BLNK: variants seen among roughly 807,000 people sequenced by gnomAD.
BLNK encodes the protein B cell linker.
Under a neutral mutation model 73.5 loss-of-function variants are expected in BLNK, and 29 were observed. The observed-to-expected ratio is 0.39, with a 90% CI of 0.29 to 0.54. BLNK has a LOEUF of 0.54. Among genes scored for constraint, BLNK ranks in the 20% least tolerant of loss-of-function variants. BLNK has a pLI of 0.61. For synonymous variants in BLNK, 176 were observed against 200.8 expected, an observed-to-expected ratio of 0.88 and a Z score of 1.04; for missense variants, 460 against 562.8, an observed-to-expected ratio of 0.82 and a Z score of 1.85.
intron 16 of BLNK, among the ~76,000 whole-genome samples, chr10:96,194,382 C>T (rs1326503860): frequency 6.6e-6 from 1 of 152,012 alleles, no homozygotes; most frequent in African/African-American, 2.4e-5. Context: ...AATAAAATTC[C>T]CCAATATAAA....
intron 1 of BLNK, among the ~76,000 whole-genome samples, chr10:96,260,990 T>C (rs1267903490): frequency 1.3e-5 from 2 of 152,084 alleles, no homozygotes; most frequent in Non-Finnish European, 2.9e-5. Flanking sequence ...ACTACAGGCA[T>C]GTGCCATCAT....
intron 6 of BLNK, 131 bp from the exon 7 acceptor site, chr10:96,216,865 G>A (rs112265379): frequency 1.1e-5 from 9 of 786,760 alleles, no homozygotes; most frequent in African/African-American, 1.0e-4. Context: ...TATGTAAATT[G>A]TACAATTTGG....
chr10:96,235,289 A>G (rs1842653620), intron 3 of BLNK, among the ~76,000 whole-genome samples: 2 of 152,216 alleles, frequency 1.3e-5, no homozygotes, highest in Non-Finnish European at 2.9e-5. Flanking sequence ...AGTATCTGAC[A>G]TAGAGTAAAG....
At chr10:96,195,280 A>G (rs1479133658) in intron 16 of BLNK, among the ~76,000 whole-genome samples, 1 of 152,160 alleles carries the variant, frequency 6.6e-6, no homozygotes, top group East Asian at 1.9e-4. Flanking sequence ...AAAATAGAAT[A>G]CCCATATCAT....
chr10:96,245,210 CA>C (rs1254847052), intron 2 of BLNK, among the ~76,000 whole-genome samples: 9 of 152,094 alleles, frequency 5.9e-5, no homozygotes, highest in African/African-American at 2.2e-4. Flanking sequence ...CTGGAAATAC[CA>C]CCAAAAGTGA....
intron 3 of BLNK, among the ~76,000 whole-genome samples, chr10:96,232,140 A>G (rs1554904124): frequency 6.6e-6 from 1 of 152,230 alleles, no homozygotes; most frequent in African/African-American, 2.4e-5. Flanking sequence ...CTGTGTAGGA[A>G]TCAAGCAGAC....
Position 96,262,835 on chromosome 10 carries a change from C to G in BLNK, c.47+8517G>C, listed in dbSNP as rs374805548. Reference sequence around the variant, plus strand: ...AGGCTTTCTGACTAGTAAGTGACTGCTTTTTTAATTTTAAAACAAACGTCT... The same window carrying G: ...AGGCTTTCTGACTAGTAAGTGACTGGTTTTTTAATTTTAAAACAAACGTCT... On this transcript the variant is annotated intron_variant, in intron 1 of 16. Coordinates refer to ENST00000224337, the MANE Select transcript of BLNK (RefSeq NM_013314.4). Among the ~76,000 whole-genome samples the G allele has an allele frequency of 2.7e-4, 41 of 152,250 alleles. 1 individual carries two copies. The highest frequency in any genetic ancestry group is 9.6e-4 in the African/African-American group (40 of 41,550).
rs1251084816 is a variant in BLNK, at chr10:96,191,744, T to C, written c.*229A>G. ...ATTTATTTGGAAAATATTAGTAGCATGATAACTCAACCTCACCAGATATTA... is the reference window on the plus strand; with the variant it reads ...ATTTATTTGGAAAATATTAGTAGCACGATAACTCAACCTCACCAGATATTA... On this transcript the variant is annotated 3_prime_UTR_variant, in exon 17 of 17. Coordinates refer to ENST00000224337, the MANE Select transcript of BLNK (RefSeq NM_013314.4). 2.1e-6 allele frequency: 1 copy of C among 469,726 alleles called. No homozygotes were observed. The highest frequency in any genetic ancestry group is 2.0e-5 in the African/African-American group (1 of 50,808). The allele number at this position is 469,726 out of a possible 1,614,324, so 29.1% of individuals were successfully genotyped here.
rs2084262270 is a variant in BLNK at position 96,223,992 on chromosome 10, T to C, written c.362-3A>G. 2.5e-6 allele frequency: 4 copies of C among 1,612,438 alleles called. No homozygotes were observed. Among genetic ancestry groups the C allele is most frequent in the Non-Finnish European group, 3.4e-6 (4 of 1,180,006 alleles). On this transcript the variant is annotated splice_region_variant and splice_polypyrimidine_tract_variant and intron_variant, in intron 5 of 16. Transcript: ENST00000224337. ...ATGCCTCTGGCTTGATCGATTGTCT[T>C]GAAAGGAACAAACAAAAAACATAAC...
chr10:96,257,754 C>A (rs996965191), intron 1 of BLNK, among the ~76,000 whole-genome samples: 3 of 152,312 alleles, frequency 2.0e-5, no homozygotes, highest in Middle Eastern at 3.4e-3. Context: ...AGTGTGTGCA[C>A]ACTGGGCATG....
rs781835400 is a variant in BLNK, at chr10:96,223,817, T to A, written c.525+9A>T. ...GTCCTGGGAAGCCTTTGGCACAGAT[T>A]TACTTTACCTCATCCTCAAGGAGGC... On this transcript the variant is annotated intron_variant, in intron 6 of 16. Transcript: ENST00000224337. 1 of 1,613,494 alleles carries A rather than the reference T, an allele frequency of 6.2e-7. No individual in the cohort carries two copies. The highest frequency in any genetic ancestry group is 8.5e-7 in the Non-Finnish European group (1 of 1,179,944).
intron 1 of BLNK, among the ~76,000 whole-genome samples, chr10:96,267,493 C>G (rs551317594): frequency 6.6e-6 from 1 of 152,260 alleles, no homozygotes; most frequent in African/African-American, 2.4e-5. Flanking sequence ...TTCTGAAGAA[C>G]TGAACCAGAA....
intron 7 of BLNK, among the ~76,000 whole-genome samples, chr10:96,215,642 G>C (rs2084047928): frequency 6.6e-6 from 1 of 152,178 alleles, no homozygotes; most frequent in Non-Finnish European, 1.5e-5. Context: ...TTTGATGATA[G>C]AGATCTTGTT....
At chr10:96,224,726 C>A (rs587700048) in intron 5 of BLNK, among the ~76,000 whole-genome samples, 1 of 152,216 alleles carries the variant, frequency 6.6e-6, no homozygotes, top group Non-Finnish European at 1.5e-5. Context: ...GAGACAAAGT[C>A]TTGCTCTGTT....
At chr10:96,239,995 T>A (rs1842832697) in intron 3 of BLNK, among the ~76,000 whole-genome samples, 1 of 152,192 alleles carries the variant, frequency 6.6e-6, no homozygotes, top group Admixed American at 6.5e-5. Flanking sequence ...CAAATATTCC[T>A]GCACATTTGT....
intron 3 of BLNK, among the ~76,000 whole-genome samples, chr10:96,233,605 C>T (rs935535876): frequency 2.0e-5 from 3 of 152,204 alleles, no homozygotes; most frequent in African/African-American, 2.4e-5. Context: ...CTGCTCGTGC[C>T]GTTCCTGCAG....
chr10:96,248,859 G>T (rs1241277571), intron 1 of BLNK, among the ~76,000 whole-genome samples: 1 of 152,246 alleles, frequency 6.6e-6, no homozygotes, highest in African/African-American at 2.4e-5. Context: ...CTAAAAAGGG[G>T]ATTATTACTT....
Position 96,257,464 on chromosome 10 carries a change from C to T in BLNK, c.48-10415G>A, listed in dbSNP as rs987484241. Among the ~76,000 whole-genome samples the T allele has an allele frequency of 6.6e-5, 10 of 152,228 alleles. No individual in the cohort carries two copies. The East Asian group carries it at 1.4e-3, about 21-fold the overall frequency. On this transcript the variant is annotated intron_variant, in intron 1 of 16. Transcript: ENST00000224337. The stretch of plus-strand genomic sequence containing the variant: ...GAGTGCCCTGTGGGCCTCAGCTGTG[C>T]GAAAGGACCAACAACTCTCAAAGAG...
At chr10:96,216,193 C>T (rs41307052) in intron 7 of BLNK, 6,378 of 198,328 alleles carry the variant, frequency 0.032, 136 homozygotes, top group Middle Eastern at 0.063. Flanking sequence ...GAAGGGTTTA[C>T]GGATGAAATG....
Sources: allele counts gnomAD v4.1 joint callset (sites outside exome capture counted in the v4.1 genomes callset), GRCh38; gene constraint gnomAD v4.1.1; transcripts MANE v1.5; gene names NCBI Gene and HGNC (gene_info 2026-07-23, HGNC 2026-07-21).